The following ANK2 variants were observed in gnomAD, a reference collection of about 807,000 sequenced individuals.
The protein encoded by ANK2 is ankyrin-2.
A neutral mutation model predicts 360.5 loss-of-function variants in ANK2; 83 were observed. The ratio of observed to expected loss-of-function variants is 0.23; its 90% CI spans 0.19 to 0.28. ANK2 has a LOEUF of 0.28. Among genes scored for constraint, ANK2 ranks in the 10% least tolerant of loss-of-function variants. The pLI is 1.00. For missense variants in ANK2, 4,201 were observed against 4,795.7 expected, an observed-to-expected ratio of 0.88 and a Z score of 3.66; for synonymous variants, 1,740 against 1,759.5, an observed-to-expected ratio of 0.99 and a Z score of 0.28.
chr4:112,958,305 T>C (rs1223867532), intron 2 of ANK2, among the ~76,000 whole-genome samples: 6 of 152,168 alleles, frequency 3.9e-5, no homozygotes, highest in Non-Finnish European at 8.8e-5. Flanking sequence ...CTGGGCACCA[T>C]TGAGCACTGA....
At chr4:112,871,926 G>A (rs1203887858) in intron 1 of ANK2, among the ~76,000 whole-genome samples, 1 of 151,650 alleles carries the variant, frequency 6.6e-6, no homozygotes, top group Admixed American at 6.6e-5. Flanking sequence ...AACTGACCTT[G>A]TATTCCTGAG....
rs29433 is a variant in ANK2 at position 113,255,181 on chromosome 4, T to G, written c.991-554T>G. ...CATTTGCCTCACACTCTTCTAGCCC[T>G]TACCTACCTGTTTTCTCCAAGTCCA... On this transcript the variant is annotated intron_variant, in intron 10 of 45. Coordinates refer to ENST00000357077, the MANE Select transcript of ANK2 (RefSeq NM_001148.6). Among the ~76,000 whole-genome samples, 409 of 152,330 alleles carry G rather than the reference T, an allele frequency of 2.7e-3. 5 individuals carry two copies. The East Asian group carries it at 0.041, about 15-fold the overall frequency.
chr4:112,810,153 ATATATATTTTTTTTTTT>A, the ANK2 span, among the ~76,000 whole-genome samples: 52 of 23,510 alleles, frequency 2.2e-3, no homozygotes, highest in African/African-American at 0.01. Flanking sequence ...ATATATATAT[ATATATATTTTTTTTTTT>A]TTTTTTTTTT....
At chr4:113,099,325 G>A (rs2092370577) in intron 1 of ANK2, among the ~76,000 whole-genome samples, 1 of 151,868 alleles carries the variant, frequency 6.6e-6, no homozygotes. Flanking sequence ...AGGATACAAG[G>A]TTAATATACA....
chr4:113,154,247 C>A (rs923170713), intron 1 of ANK2, among the ~76,000 whole-genome samples: 19 of 152,290 alleles, frequency 1.2e-4, no homozygotes, highest in African/African-American at 4.1e-4. Flanking sequence ...GTTTCACTTC[C>A]AAAAACTAAT....
rs371904883 is a variant in ANK2, at chr4:113,118,213, A to G, written c.85-56203A>G. On this transcript the variant is annotated intron_variant, in intron 1 of 45. Transcript: ENST00000357077. ...ATTTAGTCAGTGATCTAGATCTATA[A>G]AGAAAGACCTCTGTAAATGTTTTAA... Among the ~76,000 whole-genome samples the G allele has an allele frequency of 5.3e-4, 80 of 152,322 alleles. 1 individual carries two copies. Among genetic ancestry groups the G allele is most frequent in the African/African-American group, 1.8e-3 (73 of 41,580 alleles).
chr4:113,137,542 T>A (rs887626300), intron 1 of ANK2, among the ~76,000 whole-genome samples: 2 of 152,190 alleles, frequency 1.3e-5, no homozygotes, highest in African/African-American at 4.8e-5. Context: ...CATTTTTTCT[T>A]AAAAATATTA....
chr4:113,257,824 G>A (rs2050337826), intron 11 of ANK2, among the ~76,000 whole-genome samples: 2 of 152,068 alleles, frequency 1.3e-5, no homozygotes, highest in Non-Finnish European at 2.9e-5. Flanking sequence ...TGTTTTCCCT[G>A]TAACCACACA....
In ANK2 at chr4:113,249,776, C is replaced by G. The variant is rs2153601394; in HGVS notation, c.904C>G (p.Pro302Ala). Residue 302 changes from proline (P) to alanine (A), a missense_variant, in exon 10 of 46, where the codon CCA (proline) becomes GCA (alanine). Pro to Ala is a conservative substitution (Grantham distance 27, BLOSUM62 -1). Coordinates refer to ENST00000357077, the MANE Select transcript of ANK2 (RefSeq NM_001148.6). ...ATTCTTTTGGCAGGATGGGTTGACA[C>G]CACTTCACTGTGCTGCACGAAGTGG... ...IDAKTRDGLT[P>A]LHCAARSGHD... 2 of 1,614,080 alleles carry G rather than the reference C, an allele frequency of 1.2e-6. No individual in the cohort carries two copies. The highest frequency in any genetic ancestry group is 1.7e-6 in the Non-Finnish European group (2 of 1,180,024).
chr4:113,082,859 A>G (rs943298818), intron 1 of ANK2, among the ~76,000 whole-genome samples: 15 of 152,130 alleles, frequency 9.9e-5, no homozygotes, highest in Non-Finnish European at 1.2e-4. Context: ...TCCTGAAAGG[A>G]AATATGTAAA....
At chr4:112,979,197 G>A (rs1447617478) in intron 2 of ANK2, among the ~76,000 whole-genome samples, 2 of 152,204 alleles carry the variant, frequency 1.3e-5, no homozygotes, top group African/African-American at 2.4e-5. Flanking sequence ...GCAGAGTGGC[G>A]AGGGGTGTGT....
At chr4:112,904,867 G>A (rs2084674640) in intron 2 of ANK2, among the ~76,000 whole-genome samples, 1 of 151,930 alleles carries the variant, frequency 6.6e-6, no homozygotes, top group African/African-American at 2.4e-5. Flanking sequence ...TTCTCTAAGG[G>A]CTTATGAATT....
chr4:112,925,135 G>C (rs2092362319), intron 2 of ANK2, among the ~76,000 whole-genome samples: 1 of 152,038 alleles, frequency 6.6e-6, no homozygotes. Context: ...ACCGCACCTG[G>C]CCATTTATCA....
chr4:113,295,580 T>C (rs2070824551), intron 22 of ANK2, among the ~76,000 whole-genome samples: 1 of 152,178 alleles, frequency 6.6e-6, no homozygotes, highest in South Asian at 2.1e-4. Context: ...GTGAGCTTTT[T>C]TTCTTTTCTG....
intron 2 of ANK2, among the ~76,000 whole-genome samples, chr4:112,953,027 G>A (rs2095124320): frequency 6.6e-6 from 1 of 152,078 alleles, no homozygotes; most frequent in African/African-American, 2.4e-5. Context: ...AATACACTGC[G>A]GTTATTGTTT....
At chr4:113,202,978 C>T (rs1172524546) in intron 4 of ANK2, among the ~76,000 whole-genome samples, 5 of 152,282 alleles carry the variant, frequency 3.3e-5, no homozygotes, top group South Asian at 2.1e-4. Context: ...TTGCCCCTGA[C>T]CATGTAGCTC....
intron 22 of ANK2, among the ~76,000 whole-genome samples, chr4:113,301,618 A>G (rs1221838284): frequency 6.6e-6 from 1 of 152,094 alleles, no homozygotes; most frequent in African/African-American, 2.4e-5. Flanking sequence ...CTTTTAACCA[A>G]CATCTCCCAA....
At chr4:112,827,554 C>A in intron 1 of ANK2, 1 of 1,111,854 alleles carries the variant, frequency 9.0e-7, no homozygotes, top group Non-Finnish European at 1.4e-6. Flanking sequence ...TTGTATGGAA[C>A]AGGAAGAGGA....
chr4:112,904,302 G>T (rs1393702975), intron 1 of ANK2, among the ~76,000 whole-genome samples: 1 of 151,796 alleles, frequency 6.6e-6, no homozygotes, highest in African/African-American at 2.4e-5. Flanking sequence ...TTTTTGCTTT[G>T]CTCTTTTGCA....
Sources: gnomAD v4.1 joint callset for allele counts (sites outside exome capture counted in the v4.1 genomes callset) on GRCh38, gnomAD v4.1.1 for gene constraint, MANE v1.5 for transcripts, NCBI Gene and HGNC (gene_info 2026-07-23, HGNC 2026-07-21) for gene names.